The following SAMMSON variants were observed in gnomAD, a reference collection of about 807,000 sequenced individuals.
The protein encoded by SAMMSON is long intergenic non-protein coding RNA 1212.
chr3:70,291,013 C>T (rs903792339), intron 6 of SAMMSON, among the ~76,000 whole-genome samples: 5 of 152,216 alleles, frequency 3.3e-5, no homozygotes, highest in Non-Finnish European at 5.9e-5. Context: ...CAGAAATCAC[C>T]GGTCTTCTGC....
chr3:70,359,841 G>A (rs1409214678), intron 9 of SAMMSON, among the ~76,000 whole-genome samples: 1 of 151,988 alleles, frequency 6.6e-6, no homozygotes, highest in Non-Finnish European at 1.5e-5. Flanking sequence ...AATGTACTAG[G>A]TTAGCATATA....
chr3:70,238,785 A>C (rs1449690388), intron 4 of SAMMSON, among the ~76,000 whole-genome samples: 1 of 152,044 alleles, frequency 6.6e-6, no homozygotes, highest in Non-Finnish European at 1.5e-5. Flanking sequence ...ATGTGAGTCT[A>C]CAAATTCCCT....
intron 4 of SAMMSON, among the ~76,000 whole-genome samples, chr3:70,124,163 G>A (rs188599189): frequency 5.3e-5 from 8 of 152,294 alleles, no homozygotes; most frequent in African/African-American, 1.9e-4. Context: ...GTTGTACTTT[G>A]TCTTATCCCC....
At chr3:70,064,436 A>G (rs1299330519) in intron 3 of SAMMSON, among the ~76,000 whole-genome samples, 1 of 152,140 alleles carries the variant, frequency 6.6e-6, no homozygotes, top group African/African-American at 2.4e-5. Context: ...TCAAGGAATA[A>G]TATTGCAATC....
chr3:70,184,791 A>T (rs1022609930), intron 4 of SAMMSON, among the ~76,000 whole-genome samples: 4 of 152,208 alleles, frequency 2.6e-5, no homozygotes, highest in African/African-American at 9.6e-5. Flanking sequence ...TTTGGGAAGA[A>T]TCCTGAAACA....
intron 9 of SAMMSON, among the ~76,000 whole-genome samples, chr3:70,384,316 C>A (rs983352548): frequency 6.6e-6 from 1 of 151,826 alleles, no homozygotes; most frequent in Admixed American, 6.6e-5. Flanking sequence ...CATTTTAAAA[C>A]CTCCTGAAAA....
chr3:70,288,590 C>T (rs1702192366), intron 6 of SAMMSON, among the ~76,000 whole-genome samples: 1 of 149,170 alleles, frequency 6.7e-6, no homozygotes, highest in African/African-American at 2.5e-5. Context: ...TGCTGCAGAG[C>T]TGAGTTCAAT....
At chr3:70,019,555 T>C (rs1266858374) in intron 3 of SAMMSON, among the ~76,000 whole-genome samples, 1 of 152,212 alleles carries the variant, frequency 6.6e-6, no homozygotes, top group Non-Finnish European at 1.5e-5. Context: ...GTCTGTGTCT[T>C]TTAATTGGAG....
intron 3 of SAMMSON, among the ~76,000 whole-genome samples, chr3:70,071,031 G>A (rs1052122244): frequency 6.6e-6 from 1 of 151,912 alleles, no homozygotes; most frequent in Non-Finnish European, 1.5e-5. Flanking sequence ...CTGACATGTG[G>A]CATTTTGGAG....
At chr3:70,389,335 A>T (rs566696164) in intron 9 of SAMMSON, among the ~76,000 whole-genome samples, 6 of 152,224 alleles carry the variant, frequency 3.9e-5, no homozygotes, top group African/African-American at 1.2e-4. Context: ...AAGGAAGAAG[A>T]TGGGGAGGGA....
chr3:70,137,189 CT>C (rs935600875), intron 4 of SAMMSON, among the ~76,000 whole-genome samples: 1 of 152,032 alleles, frequency 6.6e-6, no homozygotes, highest in African/African-American at 2.4e-5. Context: ...GTAATTTTGC[CT>C]TTTTTACAAA....
chr3:70,157,732 C>T (rs981314995), intron 4 of SAMMSON, among the ~76,000 whole-genome samples: 1 of 152,104 alleles, frequency 6.6e-6, no homozygotes, highest in African/African-American at 2.4e-5. Context: ...TACTCTACGC[C>T]TAGCATTTGC....
chr3:70,257,180 A>G (rs758477918), intron 6 of SAMMSON, among the ~76,000 whole-genome samples: 19 of 152,200 alleles, frequency 1.2e-4, no homozygotes, highest in Non-Finnish European at 2.5e-4. Flanking sequence ...TTTGTGAACT[A>G]TACATTTGGT....
intron 3 of SAMMSON, among the ~76,000 whole-genome samples, chr3:70,039,678 A>G (rs775380170): frequency 1.3e-5 from 2 of 149,674 alleles, no homozygotes; most frequent in Admixed American, 1.3e-4. Flanking sequence ...AGTGAACCCT[A>G]ATATGCCTAT....
chr3:70,172,868 A>G (rs958159877), intron 4 of SAMMSON: 2 of 152,034 alleles, frequency 1.3e-5, no homozygotes, highest in African/African-American at 4.8e-5. Context: ...AGAGAGATAC[A>G]TGTTCCATAA....
rs556717467 is a variant in SAMMSON at position 70,427,230 on chromosome 3, CA to C, written n.234-35329del. Among the ~76,000 whole-genome samples the C allele has an allele frequency of 4.1e-3, 620 of 152,304 alleles. 2 individuals carry two copies. Among genetic ancestry groups the C allele is most frequent in the South Asian group, 0.023 (111 of 4,828 alleles). On this transcript the variant is annotated intron_variant and non_coding_transcript_variant, in intron 2 of 3. Coordinates refer to the SAMMSON transcript ENST00000641053. ...CTGCAACGGTAGACAGGATTTTCTA[CA>C]TTCAGAGTTGATCTTCTAGGCATTC... is the stretch of plus-strand genomic sequence containing the variant.
chr3:70,321,389 A>T (rs1470051869), intron 7 of SAMMSON, among the ~76,000 whole-genome samples: 1 of 152,078 alleles, frequency 6.6e-6, no homozygotes, highest in African/African-American at 2.4e-5. Flanking sequence ...CAGCACAATG[A>T]TCTGGAGATT....
chr3:70,385,132 G>A (rs115803750), intron 9 of SAMMSON, among the ~76,000 whole-genome samples: 1 of 152,170 alleles, frequency 6.6e-6, no homozygotes, highest in Non-Finnish European at 1.5e-5. Flanking sequence ...AGGTGGTGTA[G>A]AAGAAAAAGC....
chr3:70,098,346 C>G (rs1419011083), intron 4 of SAMMSON, among the ~76,000 whole-genome samples: 2 of 152,110 alleles, frequency 1.3e-5, no homozygotes, highest in South Asian at 4.1e-4. Flanking sequence ...CTACTGCCAC[C>G]TGAGTGAGCT....
Sources: gnomAD v4.1 joint callset for allele counts (sites outside exome capture counted in the v4.1 genomes callset) on GRCh38, gnomAD v4.1.1 for gene constraint, MANE v1.5 for transcripts, NCBI Gene and HGNC (gene_info 2026-07-23, HGNC 2026-07-21) for gene names.